AGAP1: variants seen among roughly 807,000 people sequenced by gnomAD.
AGAP1 encodes arf-GAP with GTPase, ANK repeat and PH domain-containing protein 1.
Under a neutral mutation model 105.3 loss-of-function variants are expected in AGAP1, and 29 were observed. The observed-to-expected ratio is 0.28, with a 90% CI of 0.21 to 0.38. The LOEUF is 0.38. AGAP1 is among the 10% of genes least tolerant of loss of function. The pLI, the probability that AGAP1 is intolerant of heterozygous loss-of-function variation, is 1.00. For synonymous variants in AGAP1, 509 were observed against 485.9 expected, an observed-to-expected ratio of 1.05 and a Z score of -0.63; for missense variants, 998 against 1,165.1, an observed-to-expected ratio of 0.86 and a Z score of 2.09.
At chr2:235,641,099 G>A (rs1006199156) in intron 1 of AGAP1, among the ~76,000 whole-genome samples, 1 of 152,154 alleles carries the variant, frequency 6.6e-6, no homozygotes, top group Non-Finnish European at 1.5e-5. Flanking sequence ...TGATTAGAGA[G>A]TATTTCCCAT....
rs116394892 is a variant in AGAP1 at position 235,581,421 on chromosome 2, A to G, written c.163+86572A>G. 5.3e-3 allele frequency among the ~76,000 whole-genome samples: 798 copies of G among 149,598 alleles called. 5 individuals are homozygous for G. The highest frequency in any genetic ancestry group is 8.5e-3 in the Non-Finnish European group (572 of 67,538). On this transcript the variant is annotated intron_variant, in intron 1 of 17. Transcript: ENST00000304032. Reference sequence around the variant, plus strand: ...TTGTCCCCAGCTTTTTAAGAATTCAATCATGAAGAAGATTGTTTATATTGT... The same window carrying G: ...TTGTCCCCAGCTTTTTAAGAATTCAGTCATGAAGAAGATTGTTTATATTGT...
rs574521071 is a variant in AGAP1, at chr2:236,028,308, A to G, written c.1646-8253A>G. 1.0e-3 allele frequency among the ~76,000 whole-genome samples: 158 copies of G among 152,256 alleles called. 2 individuals carry two copies. Among genetic ancestry groups the G allele is most frequent in the Admixed American group, 9.7e-3 (149 of 15,306 alleles). On this transcript the variant is annotated intron_variant, in intron 13 of 17. Coordinates refer to ENST00000304032, the MANE Select transcript of AGAP1 (RefSeq NM_001037131.3). ...GAGGAGACCTGAACCTGAGCAGGCC[A>G]CCCTCAGGCTCTGGTTAATCCGTCA...
At chr2:235,794,285 G>T (rs960172618) in intron 6 of AGAP1, among the ~76,000 whole-genome samples, 10 of 152,132 alleles carry the variant, frequency 6.6e-5, no homozygotes, top group Admixed American at 2.6e-4. Context: ...AGAACACTGA[G>T]CATTACTCTT....
At position 235,855,575 on chromosome 2, in the gene AGAP1, A is replaced by C. The variant is rs923804549; in HGVS notation, c.1051-27770A>C. Among the ~76,000 whole-genome samples, 14 of 152,324 alleles carry C rather than the reference A, an allele frequency of 9.2e-5. 1 individual carries two copies. In the South Asian group the frequency reaches 2.1e-3, roughly 23 times the overall value. ...ATTTCTGCTTTAAATATAGGGTATC[A>C]TTCTTTCCTTTAGATTCGTTGCCCT... On this transcript the variant is annotated intron_variant, in intron 9 of 17. Coordinates refer to ENST00000304032, the MANE Select transcript of AGAP1 (RefSeq NM_001037131.3). The surrounding 1 kb of genome is among the most constrained non-coding windows in gnomAD (Gnocchi z 5.0).
intron 10 of AGAP1, among the ~76,000 whole-genome samples, chr2:235,907,432 C>T (rs569944230): frequency 2.0e-5 from 3 of 152,240 alleles, no homozygotes; most frequent in South Asian, 4.2e-4. Context: ...CTAGCAAGAC[C>T]TCATCTCTAA....
In AGAP1 at chr2:235,549,244, T is replaced by C. The variant is rs12475206; in HGVS notation, c.163+54395T>C. ...GAATACAAACTAGAAGGGCCTGGTT[T>C]CTGTAGGTGACAAAGCTGGGGGGAA... On this transcript the variant is annotated intron_variant, in intron 1 of 17. Transcript: ENST00000304032. The surrounding 1 kb of genome is among the most constrained non-coding windows in gnomAD (Gnocchi z 4.2). Among the ~76,000 whole-genome samples, 37,606 of 152,168 alleles carry C rather than the reference T, an allele frequency of 0.25. 5,197 individuals carry two copies. Among genetic ancestry groups the C allele is most frequent in the East Asian group, 0.44 (2,255 of 5,168 alleles).
chr2:235,998,679 CGAT>C (rs1394343438), intron 13 of AGAP1, among the ~76,000 whole-genome samples: 18 of 133,714 alleles, frequency 1.3e-4, no homozygotes, highest in Admixed American at 3.6e-4. Flanking sequence ...GTGGTGGTGA[CGAT>C]GGTGGTGGTG....
chr2:235,759,343 G>C (rs1321555679), intron 6 of AGAP1, among the ~76,000 whole-genome samples: 1 of 151,254 alleles, frequency 6.6e-6, no homozygotes, highest in Non-Finnish European at 1.5e-5. Context: ...TAATTTTTTT[G>C]TATTTTTAGT....
intron 6 of AGAP1, among the ~76,000 whole-genome samples, chr2:235,761,582 G>A (rs1199103812): frequency 6.6e-6 from 1 of 152,082 alleles, no homozygotes; most frequent in East Asian, 1.9e-4. Context: ...CATACAAATG[G>A]CTTTTATTTT....
chr2:235,506,192 A>G (rs1204338826), intron 1 of AGAP1, among the ~76,000 whole-genome samples: 1 of 151,990 alleles, frequency 6.6e-6, no homozygotes, highest in African/African-American at 2.4e-5. Context: ...TGGCCTCCCA[A>G]AGTGCTGGGA....
At chr2:235,589,151 A>G (rs945457270) in intron 1 of AGAP1, among the ~76,000 whole-genome samples, 1 of 149,734 alleles carries the variant, frequency 6.7e-6, no homozygotes, top group Non-Finnish European at 1.5e-5. Flanking sequence ...ATGCTGGTAG[A>G]AAAGGAGATT....
rs986501341 is a variant in AGAP1 at position 235,551,514 on chromosome 2, G to T, written c.163+56665G>T. On this transcript the variant is annotated intron_variant, in intron 1 of 17. Transcript: ENST00000304032. The surrounding 1 kb of genome is among the most constrained non-coding windows in gnomAD (Gnocchi z 4.8). ...GGGTCGTCCAGTGATACTCAGATTGGTCTCTAACTCCTGGGCTCAAGGGAT... is the reference window on the plus strand; with the variant it reads ...GGGTCGTCCAGTGATACTCAGATTGTTCTCTAACTCCTGGGCTCAAGGGAT... 7.2e-5 allele frequency among the ~76,000 whole-genome samples: 11 copies of T among 152,134 alleles called. No homozygotes were observed. In the South Asian group the frequency reaches 1.0e-3, roughly 14 times the overall value.
chr2:235,827,522 A>G (rs1243496539), intron 9 of AGAP1, among the ~76,000 whole-genome samples: 1 of 152,204 alleles, frequency 6.6e-6, no homozygotes, highest in Admixed American at 6.5e-5. Flanking sequence ...AGTAGGTGAC[A>G]TTTTGATACA....
chr2:235,513,738 C>T (rs755372029), intron 1 of AGAP1, among the ~76,000 whole-genome samples: 1 of 152,026 alleles, frequency 6.6e-6, no homozygotes, highest in Non-Finnish European at 1.5e-5. Flanking sequence ...GAACCAAATC[C>T]TGGAGCCTGG....
intron 1 of AGAP1, among the ~76,000 whole-genome samples, chr2:235,513,857 T>A (rs1942260264): frequency 6.6e-6 from 1 of 152,190 alleles, no homozygotes; most frequent in Non-Finnish European, 1.5e-5. Flanking sequence ...TCCATGAGGT[T>A]GGAGTCCTTT....
At chr2:235,955,736 A>G (rs1479384480) in intron 12 of AGAP1, among the ~76,000 whole-genome samples, 1 of 152,198 alleles carries the variant, frequency 6.6e-6, no homozygotes, top group Non-Finnish European at 1.5e-5. Context: ...AGCTGAGGAC[A>G]CCAACACACT....
At chr2:236,010,982 G>C (rs1338852365) in intron 13 of AGAP1, among the ~76,000 whole-genome samples, 1 of 152,196 alleles carries the variant, frequency 6.6e-6, no homozygotes, top group African/African-American at 2.4e-5. Flanking sequence ...GGGAGGTGGA[G>C]CTTGCAGTGA....
intron 1 of AGAP1, among the ~76,000 whole-genome samples, chr2:235,604,994 C>A (rs1213073410): frequency 6.6e-6 from 1 of 152,064 alleles, no homozygotes; most frequent in Non-Finnish European, 1.5e-5. Context: ...GATTCTCGTG[C>A]CTCAGCCTCC....
rs1272079812 is a variant in AGAP1, at chr2:235,574,711, G to A, written c.163+79862G>A. Among the ~76,000 whole-genome samples the A allele has an allele frequency of 6.6e-6, 1 of 152,152 alleles. No individual in the cohort carries two copies. Among genetic ancestry groups the A allele is most frequent in the African/African-American group, 2.4e-5 (1 of 41,428 alleles). ...TTGCTTTTTAAAGAGACTGTATTAA[G>A]AGGAATAATGGACCAAGTACACCAG... On this transcript the variant is annotated intron_variant, in intron 1 of 17. Transcript: ENST00000304032. The surrounding 1 kb of genome is among the most constrained non-coding windows in gnomAD (Gnocchi z 5.0).
Sources: allele counts gnomAD v4.1 joint callset (sites outside exome capture counted in the v4.1 genomes callset), GRCh38; gene constraint gnomAD v4.1.1; non-coding constraint Gnocchi (gnomAD v3.1); transcripts MANE v1.5; gene names NCBI Gene and HGNC (gene_info 2026-07-23, HGNC 2026-07-21).